LIN7A: variants seen among roughly 807,000 people sequenced by gnomAD.
LIN7A encodes the protein lin-7 cell polarity scaffold A, also known as protein lin-7 homolog A.
LIN7A carries 25 observed loss-of-function variants against 29.8 expected under a neutral mutation model. The ratio of observed to expected loss-of-function variants is 0.84; its 90% CI spans 0.61 to 1.17. The LOEUF (loss-of-function observed/expected upper bound fraction) is 1.17. Ranked by LOEUF, LIN7A falls within the 50% of genes most tolerant of loss-of-function variation. LIN7A has a pLI of 0.00. For synonymous variants in LIN7A, 118 were observed against 107.5 expected, an observed-to-expected ratio of 1.10 and a Z score of -0.60; for missense variants, 239 against 287.0, an observed-to-expected ratio of 0.83 and a Z score of 1.21.
At chr12:80,879,325 G>T (rs2120567669) in intron 2 of LIN7A, among the ~76,000 whole-genome samples, 1 of 152,126 alleles carries the variant, frequency 6.6e-6, no homozygotes, top group Middle Eastern at 3.4e-3. Flanking sequence ...TGAAGTTTGT[G>T]AAGTTATCCC....
In LIN7A at chr12:80,921,998, T is replaced by C. The variant is rs1877338860; in HGVS notation, c.82+15643A>G. Among the ~76,000 whole-genome samples, 8 of 152,240 alleles carry C rather than the reference T, an allele frequency of 5.3e-5. 1 individual carries two copies. The South Asian group carries it at 1.7e-3, about 31-fold the overall frequency. ...TTCAGTAATGTGCATTAAATTCTAC[T>C]GCCTTATTTGTTTTATCTTCCACTG... is the stretch of plus-strand genomic sequence containing the variant. On this transcript the variant is annotated intron_variant, in intron 1 of 5. Coordinates refer to ENST00000552864, the MANE Select transcript of LIN7A (RefSeq NM_004664.4).
At chr12:80,924,360 C>A (rs998158416) in intron 1 of LIN7A, among the ~76,000 whole-genome samples, 2 of 152,160 alleles carry the variant, frequency 1.3e-5, no homozygotes, top group Non-Finnish European at 2.9e-5. Context: ...GAAGCCCATG[C>A]AATCTTTCAT....
chr12:80,931,755 T>C (rs1877923308), intron 1 of LIN7A, among the ~76,000 whole-genome samples: 2 of 152,220 alleles, frequency 1.3e-5, no homozygotes, highest in Admixed American at 1.3e-4. Context: ...TTTTTAATAT[T>C]TGCTGGAGCC....
chr12:80,807,064 T>TG (rs1871032613), intron 5 of LIN7A, among the ~76,000 whole-genome samples: 1 of 37,392 alleles, frequency 2.7e-5, no homozygotes, highest in Non-Finnish European at 5.1e-5. Flanking sequence ...GAAGATGGAG[T>TG]TTTTTTTTTT....
At chr12:80,848,846 C>T (rs975083043) in intron 2 of LIN7A, among the ~76,000 whole-genome samples, 2 of 152,074 alleles carry the variant, frequency 1.3e-5, no homozygotes, top group Non-Finnish European at 2.9e-5. Context: ...AAGGGAAAAA[C>T]TGCAATCGAA....
chr12:80,798,293 T>C (rs1038578110), intron 5 of LIN7A, among the ~76,000 whole-genome samples: 5 of 152,244 alleles, frequency 3.3e-5, no homozygotes, highest in African/African-American at 1.2e-4. Flanking sequence ...CTTCCACTAT[T>C]AGAGGGTCAT....
intron 5 of LIN7A, among the ~76,000 whole-genome samples, chr12:80,799,120 T>C (rs1342969129): frequency 6.6e-6 from 1 of 152,200 alleles, no homozygotes; most frequent in East Asian, 1.9e-4. Context: ...TTAGTAAGTC[T>C]TGGATCTCTT....
intron 1 of LIN7A, among the ~76,000 whole-genome samples, chr12:80,916,854 A>G (rs1181696696): frequency 1.3e-5 from 2 of 152,132 alleles, no homozygotes; most frequent in African/African-American, 4.8e-5. Flanking sequence ...AGAGAGCAAC[A>G]CAGCAAGACT....
intron 1 of LIN7A, among the ~76,000 whole-genome samples, chr12:80,906,015 G>A (rs1029084764): frequency 6.6e-6 from 1 of 152,032 alleles, no homozygotes; most frequent in Non-Finnish European, 1.5e-5. Flanking sequence ...TCCTCAAAGA[G>A]CTAGTATTTT....
intron 5 of LIN7A, among the ~76,000 whole-genome samples, chr12:80,810,238 A>G (rs932051406): frequency 1.3e-5 from 2 of 152,182 alleles, no homozygotes; most frequent in Admixed American, 6.5e-5. Flanking sequence ...TCTATGAATT[A>G]AAGTTTTTCA....
At chr12:80,826,742 C>G (rs1385715967) in intron 4 of LIN7A, among the ~76,000 whole-genome samples, 2 of 152,092 alleles carry the variant, frequency 1.3e-5, no homozygotes, top group Non-Finnish European at 2.9e-5. Context: ...AGGTTGGTCT[C>G]GAGCTCCTGA....
intron 4 of LIN7A, chr12:80,842,079 A>G (rs1179149957): frequency 2.6e-5 from 34 of 1,286,890 alleles, no homozygotes; most frequent in South Asian, 3.7e-5. Context: ...TTCTCTCCCA[A>G]TGATTGCTGA....
At chr12:80,868,761 C>T (rs1245186805) in intron 2 of LIN7A, among the ~76,000 whole-genome samples, 2 of 152,168 alleles carry the variant, frequency 1.3e-5, no homozygotes, top group African/African-American at 4.8e-5. Context: ...CATTGCTAAG[C>T]TTTAATTAAC....
intron 2 of LIN7A, among the ~76,000 whole-genome samples, chr12:80,853,660 C>T (rs7306064): frequency 0.11 from 16,150 of 151,658 alleles, 971 homozygotes; most frequent in Middle Eastern, 0.21. Context: ...AACATACTGA[C>T]GATATCTAGT....
intron 5 of LIN7A, among the ~76,000 whole-genome samples, chr12:80,807,072 T>TTGTTTG (rs1555221349): frequency 2.5e-5 from 3 of 120,264 alleles, no homozygotes; most frequent in Non-Finnish European, 5.0e-5. Context: ...AGTTTTTTTT[T>TTGTTTG]TTTTTTTTTT....
chr12:80,909,034 G>T (rs1366343009), intron 1 of LIN7A, among the ~76,000 whole-genome samples: 2 of 151,914 alleles, frequency 1.3e-5, no homozygotes, highest in African/African-American at 4.8e-5. Flanking sequence ...AACCTAGGCA[G>T]TTTTGGACTA....
intron 2 of LIN7A, among the ~76,000 whole-genome samples, chr12:80,871,768 G>C (rs1370107924): frequency 3.3e-5 from 5 of 151,440 alleles, no homozygotes; most frequent in Non-Finnish European, 7.4e-5. Flanking sequence ...AAGTATTGAT[G>C]GTAAAAATAT....
intron 3 of LIN7A, among the ~76,000 whole-genome samples, chr12:80,846,265 T>C (rs551787207): frequency 1.3e-5 from 2 of 152,342 alleles, no homozygotes; most frequent in East Asian, 3.9e-4. Context: ...CTTTGTTATA[T>C]GTACTATCTA....
chr12:80,934,978 A>G (rs947779402), intron 1 of LIN7A, among the ~76,000 whole-genome samples: 1 of 152,172 alleles, frequency 6.6e-6, no homozygotes, highest in African/African-American at 2.4e-5. Context: ...TAGGTTGAGA[A>G]TCTCTGGCCT....
Sources: gnomAD v4.1 joint callset for allele counts (sites outside exome capture counted in the v4.1 genomes callset) on GRCh38, gnomAD v4.1.1 for gene constraint, MANE v1.5 for transcripts, NCBI Gene and HGNC (gene_info 2026-07-23, HGNC 2026-07-21) for gene names.